HDAC9: variants seen among roughly 807,000 people sequenced by gnomAD.
HDAC9 encodes the protein MEF-2 interacting transcription repressor (MITR) protein.
Under a neutral mutation model 139.4 loss-of-function variants are expected in HDAC9, and 41 were observed. The ratio of observed to expected loss-of-function variants is 0.29; its 90% CI spans 0.23 to 0.38. The LOEUF is 0.38. Among genes scored for constraint, HDAC9 ranks in the 10% least tolerant of loss-of-function variants. The probability of loss-of-function intolerance (pLI) is 1.00; values close to 1 mark genes in which losing one functional copy is unlikely to be tolerated. For missense variants in HDAC9, 1,147 were observed against 1,297.0 expected, an observed-to-expected ratio of 0.88 and a Z score of 1.78; for synonymous variants, 517 against 476.2, an observed-to-expected ratio of 1.09 and a Z score of -1.12.
chr7:18,584,140 C>CTTTTTTTTTTTTTT (rs3084518), intron 2 of HDAC9, among the ~76,000 whole-genome samples: 2 of 107,754 alleles, frequency 1.9e-5, no homozygotes, highest in African/African-American at 3.5e-5. Context: ...AAGCAGCATT[C>CTTTTTTTTTTTTTT]TTTTTTTTTT....
At chr7:18,507,013 TG>T (rs1230258865) in intron 2 of HDAC9, among the ~76,000 whole-genome samples, 1 of 152,028 alleles carries the variant, frequency 6.6e-6, no homozygotes, top group Non-Finnish European at 1.5e-5. Flanking sequence ...AAATTAGAAT[TG>T]TGTTTTAATG....
intron 2 of HDAC9, among the ~76,000 whole-genome samples, chr7:18,271,590 A>G (rs1796359500): frequency 6.6e-6 from 1 of 152,152 alleles, no homozygotes; most frequent in Non-Finnish European, 1.5e-5. Flanking sequence ...CTTCCATTTC[A>G]TGCATCCCTC....
intron 1 of HDAC9, among the ~76,000 whole-genome samples, chr7:18,312,000 G>A (rs909957768): frequency 6.6e-6 from 1 of 152,154 alleles, no homozygotes; most frequent in Non-Finnish European, 1.5e-5. Flanking sequence ...AGAACAGTAG[G>A]TGGAAAAGAT....
intron 13 of HDAC9, among the ~76,000 whole-genome samples, chr7:18,729,562 T>C (rs907638806): frequency 6.6e-6 from 1 of 152,152 alleles, no homozygotes. Flanking sequence ...TGGATAGGGT[T>C]TGTAGACCTT....
At chr7:18,685,879 T>G (rs768725014) in intron 12 of HDAC9, among the ~76,000 whole-genome samples, 4 of 152,014 alleles carry the variant, frequency 2.6e-5, no homozygotes, top group African/African-American at 4.8e-5. Context: ...TGGCAAAATT[T>G]TATTGTTGGT....
At chr7:18,737,484 G>A (rs531163728) in intron 13 of HDAC9, among the ~76,000 whole-genome samples, 5 of 151,798 alleles carry the variant, frequency 3.3e-5, no homozygotes, top group Non-Finnish European at 5.9e-5. Flanking sequence ...CCTTTTTTTC[G>A]TTATTTACCC....
intron 21 of HDAC9, among the ~76,000 whole-genome samples, chr7:18,848,451 A>T (rs571874615): frequency 8.8e-4 from 134 of 152,022 alleles, no homozygotes; most frequent in Non-Finnish European, 1.5e-3. Flanking sequence ...AGGTGCCCTT[A>T]TGAGCAGTGA....
At chr7:18,971,338 C>T (rs771127819) in intron 24 of HDAC9, among the ~76,000 whole-genome samples, 4 of 152,202 alleles carry the variant, frequency 2.6e-5, no homozygotes, top group African/African-American at 7.2e-5. Context: ...GAAAACTCTT[C>T]TCTTTTGCCA....
chr7:18,623,882 T>G (rs1840901528), intron 6 of HDAC9, among the ~76,000 whole-genome samples: 2 of 152,164 alleles, frequency 1.3e-5, no homozygotes, highest in African/African-American at 4.8e-5. Context: ...GAGGTTACAG[T>G]GAGCCAAGAT....
intron 1 of HDAC9, among the ~76,000 whole-genome samples, chr7:18,393,092 TTGC>T (rs1435341779): frequency 1.3e-5 from 2 of 150,520 alleles, no homozygotes; most frequent in Non-Finnish European, 3.0e-5. Flanking sequence ...TACAAAAAAA[TTGC>T]TGATGATTTT....
chr7:18,284,666 C>T (rs141258648), intron 2 of HDAC9, among the ~76,000 whole-genome samples: 19 of 152,160 alleles, frequency 1.2e-4, no homozygotes, highest in Admixed American at 1.3e-4. Flanking sequence ...GTAAATTAGT[C>T]TCCCCATGTG....
At chr7:18,465,550 C>CT (rs573595393) in intron 1 of HDAC9, among the ~76,000 whole-genome samples, 118 of 152,248 alleles carry the variant, frequency 7.8e-4, no homozygotes, top group African/African-American at 2.7e-3. Flanking sequence ...AATGCACTCT[C>CT]TTTTTTCTGG....
chr7:18,506,615 T>C (rs1799843583), intron 2 of HDAC9, among the ~76,000 whole-genome samples: 1 of 152,120 alleles, frequency 6.6e-6, no homozygotes, highest in African/African-American at 2.4e-5. Flanking sequence ...AATTGGTTTA[T>C]GAAAAACAAT....
chr7:18,349,942 G>C (rs912135067), intron 1 of HDAC9, among the ~76,000 whole-genome samples: 2 of 152,084 alleles, frequency 1.3e-5, no homozygotes, highest in African/African-American at 4.8e-5. Flanking sequence ...TCAGTATTAG[G>C]AGGTCTTCTA....
rs1375118918 is a variant in HDAC9, at chr7:18,952,037, CTCTG to C, written c.2938-2103_2938-2100del. ...TACATTGAGAAATTTCTGAATTCAG[CTCTG>C]TCTGTATGTATACACTCAAAATGAA... On this transcript the variant is annotated intron_variant, in intron 23 of 25. Transcript: ENST00000686413. Among the ~76,000 whole-genome samples, 4 of 152,024 alleles carry C rather than the reference CTCTG, an allele frequency of 2.6e-5. No homozygotes were observed. The South Asian group carries it at 6.2e-4, about 24-fold the overall frequency.
intron 2 of HDAC9, among the ~76,000 whole-genome samples, chr7:18,222,646 T>C (rs1792785858): frequency 1.3e-5 from 2 of 152,250 alleles, no homozygotes; most frequent in South Asian, 4.1e-4. Context: ...TATTTGCAAA[T>C]GTAAACCTCT....
At chr7:18,728,402 AACACACACACACACACACACACACACAC>A (rs56281287) in intron 13 of HDAC9, among the ~76,000 whole-genome samples, 1 of 145,554 alleles carries the variant, frequency 6.9e-6, no homozygotes, top group Non-Finnish European at 1.5e-5. Flanking sequence ...TTAAGTGTGG[AACACACACACACACACACACACACACAC>A]ACACACACAC....
chr7:18,556,785 A>T (rs895281803), intron 2 of HDAC9, among the ~76,000 whole-genome samples: 3 of 152,084 alleles, frequency 2.0e-5, no homozygotes, highest in African/African-American at 7.2e-5. Flanking sequence ...TGCTGCATAC[A>T]TAATTCCTTG....
chr7:18,257,364 C>T (rs1031552389), intron 2 of HDAC9, among the ~76,000 whole-genome samples: 1 of 145,066 alleles, frequency 6.9e-6, no homozygotes, highest in Non-Finnish European at 1.5e-5. Context: ...CACCCTGTCT[C>T]TCTGACTCTC....
Sources: allele counts gnomAD v4.1 joint callset (sites outside exome capture counted in the v4.1 genomes callset), GRCh38; gene constraint gnomAD v4.1.1; transcripts MANE v1.5; gene names NCBI Gene and HGNC (gene_info 2026-07-23, HGNC 2026-07-21).